DMD: variants seen among roughly 807,000 people sequenced by gnomAD.
The protein encoded by DMD is dystrophin.
Under a neutral mutation model 330.1 loss-of-function variants are expected in DMD, and 63 were observed. The observed-to-expected ratio is 0.19, with a 90% CI of 0.16 to 0.24. The LOEUF (loss-of-function observed/expected upper bound fraction) is 0.24. Ranked by LOEUF, DMD falls within the 10% of genes least tolerant of loss-of-function variation. DMD has a pLI of 1.00. For missense variants in DMD, 3,344 were observed against 2,684.1 expected (o/e 1.25, Z -5.43); for synonymous variants, 1,223 against 959.8 (o/e 1.27, Z -5.07).
intron 44 of DMD, among the ~76,000 whole-genome samples, chrX:32,090,820 C>G (rs781143079): frequency 1.8e-5 from 2 of 110,625 alleles, no homozygotes; most frequent in Admixed American, 1.9e-4. Flanking sequence ...TGCTGAGGGA[C>G]AGACCCTGGT....
intron 53 of DMD, among the ~76,000 whole-genome samples, chrX:31,672,857 C>A (rs988049015): frequency 8.9e-6 from 1 of 112,022 alleles, no homozygotes; most frequent in African/African-American, 3.2e-5. Context: ...TTCTCCAGAG[C>A]TTCACTGGAA....
In DMD at chrX:33,015,382, G is replaced by A. The variant is rs556363454; in HGVS notation, c.93+4757C>T. Among the ~76,000 whole-genome samples the A allele has an allele frequency of 3.9e-4, 43 of 110,874 alleles. No individual in the cohort carries two copies. The South Asian group carries it at 0.015, about 39-fold the overall frequency. ...TTGCAGGGACATGGATGGAGTTGGA[G>A]GCCATTATCCTTAGCAAAATGATGC... is the stretch of plus-strand genomic sequence containing the variant. On this transcript the variant is annotated intron_variant, in intron 2 of 78. Coordinates refer to ENST00000357033, the MANE Select transcript of DMD (RefSeq NM_004006.3).
At chrX:32,536,263 C>A (rs2047952946) in intron 17 of DMD, among the ~76,000 whole-genome samples, 1 of 43,055 alleles carries the variant, frequency 2.3e-5, no homozygotes, top group Non-Finnish European at 3.4e-5. Flanking sequence ...GACTCCGTCT[C>A]CAAAAAAAAA....
chrX:32,109,503 A>T (rs1365387752), intron 44 of DMD, among the ~76,000 whole-genome samples: 1 of 111,035 alleles, frequency 9.0e-6, no homozygotes, highest in Non-Finnish European at 1.9e-5. Context: ...TATCTGGTAT[A>T]AAAATAGGTA....
chrX:32,431,646 T>G (rs949971703), intron 29 of DMD, among the ~76,000 whole-genome samples: 1 of 111,816 alleles, frequency 8.9e-6, no homozygotes, highest in Non-Finnish European at 1.9e-5. Context: ...TATGATATAT[T>G]CATTTTCTAA....
chrX:31,447,419 C>T (rs772401147), intron 59 of DMD, among the ~76,000 whole-genome samples: 2 of 109,613 alleles, frequency 1.8e-5, no homozygotes, highest in African/African-American at 3.3e-5. Context: ...ATAAAATGTT[C>T]GAGGTGCCTG....
chrX:32,642,140 A>G (rs1286124584), intron 11 of DMD, among the ~76,000 whole-genome samples: 1 of 112,056 alleles, frequency 8.9e-6, no homozygotes, highest in East Asian at 2.8e-4. Flanking sequence ...GGTTTTATGC[A>G]CGAACACATA....
At chrX:33,049,588 A>G (rs1042574399) in intron 1 of DMD, among the ~76,000 whole-genome samples, 1 of 110,946 alleles carries the variant, frequency 9.0e-6, no homozygotes, top group Admixed American at 9.6e-5. Context: ...CTCTGCATAG[A>G]CTGCCTTTTT....
At chrX:33,023,309 CTTT>C (rs1336707282) in intron 1 of DMD, among the ~76,000 whole-genome samples, 3 of 111,782 alleles carry the variant, frequency 2.7e-5, no homozygotes, top group Non-Finnish European at 5.7e-5. Context: ...GCACTCACTT[CTTT>C]TTTGTTTTTA....
intron 2 of DMD, among the ~76,000 whole-genome samples, chrX:32,850,581 G>T (rs2081057805): frequency 9.0e-6 from 1 of 111,687 alleles, no homozygotes; most frequent in South Asian, 3.8e-4. Flanking sequence ...GTGGCTCTTT[G>T]TCATGAAACT....
At chrX:32,046,059 G>T (rs1289536306) in intron 44 of DMD, among the ~76,000 whole-genome samples, 1 of 112,402 alleles carries the variant, frequency 8.9e-6, no homozygotes, top group Admixed American at 9.4e-5. Context: ...ATACTCTAAG[G>T]TGGACATTAG....
intron 52 of DMD, among the ~76,000 whole-genome samples, chrX:31,684,408 C>A (rs1019545089): frequency 9.0e-6 from 1 of 111,645 alleles, no homozygotes; most frequent in Non-Finnish European, 1.9e-5. Flanking sequence ...TAACTAACTA[C>A]CTCCTTCTCC....
chrX:32,181,158 T>C (rs1171146699), intron 44 of DMD, among the ~76,000 whole-genome samples: 1 of 111,902 alleles, frequency 8.9e-6, no homozygotes, highest in East Asian at 2.8e-4. Context: ...AGCAGTGTGC[T>C]GGAAATTGCC....
At chrX:32,444,649 T>C (rs746972022) in intron 27 of DMD, among the ~76,000 whole-genome samples, 9 of 111,026 alleles carry the variant, frequency 8.1e-5, no homozygotes, top group East Asian at 5.7e-4. Context: ...AAAAAGGGCT[T>C]GGTTGCCTAC....
At chrX:31,171,744 C>T (rs769102374) in intron 73 of DMD, among the ~76,000 whole-genome samples, 1 of 111,502 alleles carries the variant, frequency 9.0e-6, no homozygotes, top group Non-Finnish European at 1.9e-5. Flanking sequence ...GCTCTATCTC[C>T]GTCCTTAAAG....
At chrX:31,809,933 G>A (rs182380566) in intron 50 of DMD, among the ~76,000 whole-genome samples, 2 of 111,161 alleles carry the variant, frequency 1.8e-5, no homozygotes, top group East Asian at 5.6e-4. Flanking sequence ...GGAGATGTGG[G>A]GTTGGGTCCA....
chrX:32,330,807 A>G (rs1212195883), intron 41 of DMD, among the ~76,000 whole-genome samples: 2 of 111,720 alleles, frequency 1.8e-5, no homozygotes, highest in Non-Finnish European at 3.8e-5. Flanking sequence ...TATTCAAAAT[A>G]AAACTTGAAT....
chrX:33,216,711 C>G (rs1187693333), intron 1 of DMD, among the ~76,000 whole-genome samples: 1 of 111,913 alleles, frequency 8.9e-6, no homozygotes, highest in African/African-American at 3.3e-5. Flanking sequence ...TTACAGTGAA[C>G]TCATACACAT....
At chrX:32,870,984 A>C (rs1362670395) in intron 2 of DMD, among the ~76,000 whole-genome samples, 1 of 47,246 alleles carries the variant, frequency 2.1e-5, no homozygotes, top group South Asian at 8.2e-4. Flanking sequence ...AAAAAAAAAA[A>C]AAAACCACAA....
Sources: allele counts gnomAD v4.1 joint callset (sites outside exome capture counted in the v4.1 genomes callset), GRCh38; gene constraint gnomAD v4.1.1; transcripts MANE v1.5; gene names NCBI Gene and HGNC (gene_info 2026-07-23, HGNC 2026-07-21).